POC1B: variants seen among roughly 807,000 people sequenced by gnomAD.
POC1B encodes the protein POC1 centriolar protein B, also known as POC1 centriolar protein homolog B.
A neutral mutation model predicts 60.6 loss-of-function variants in POC1B; 44 were observed. The observed-to-expected ratio is 0.73, with a 90% CI of 0.57 to 0.93. The LOEUF (loss-of-function observed/expected upper bound fraction) is 0.93, where lower values mean the gene tolerates loss of function less well. Ranked by LOEUF, POC1B falls within the 40% of genes least tolerant of loss-of-function variation. The pLI is 0.00. For synonymous variants in POC1B, 180 were observed against 198.9 expected, an observed-to-expected ratio of 0.90 and a Z score of 0.80; for missense variants, 555 against 572.3, an observed-to-expected ratio of 0.97 and a Z score of 0.31.
intron 9 of POC1B, among the ~76,000 whole-genome samples, chr12:89,462,227 G>C (rs10858868): frequency 0.52 from 79,539 of 151,924 alleles, 21,201 homozygotes; most frequent in African/African-American, 0.61. Flanking sequence ...CTGAGGGGGT[G>C]ATATGGTTAA....
intron 2 of POC1B, chr12:89,521,593 T>C (rs934484540): frequency 6.2e-6 from 1 of 161,596 alleles, no homozygotes; most frequent in African/African-American, 2.4e-5. Flanking sequence ...AAGGGATCTT[T>C]AAGATCCAAT....
chr12:89,525,370 C>G, intron 1 of POC1B, 166 bp from the exon 2 acceptor site: 2 of 1,423,528 alleles, frequency 1.4e-6, no homozygotes, highest in Non-Finnish European at 1.8e-6. Flanking sequence ...GGCGCGGCGC[C>G]CAGTCCTGCT....
At chr12:89,525,749 G>A in intron 1 of POC1B, 132 bp downstream of exon 1, 2 of 1,313,322 alleles carry the variant, frequency 1.5e-6, no homozygotes, top group East Asian at 2.9e-5. Context: ...GCCCCGGGAC[G>A]AGGGGCTCAG....
intron 4 of POC1B, among the ~76,000 whole-genome samples, chr12:89,483,328 G>C (rs1227502364): frequency 1.3e-5 from 2 of 152,062 alleles, no homozygotes; most frequent in African/African-American, 4.8e-5. Flanking sequence ...ACCACAATTT[G>C]TAAGTTTCCT....
rs144700937 is a variant in POC1B, at chr12:89,498,507, G to A, written c.101-1165C>T. 5.1e-3 allele frequency among the ~76,000 whole-genome samples: 781 copies of A among 152,278 alleles called. 10 individuals carry two copies. The highest frequency in any genetic ancestry group is 0.018 in the African/African-American group (732 of 41,544). ...GAACACAATTAGTATCACTGTTAGA[G>A]AAACATAGGGCCTGGCTATATAAAG... On this transcript the variant is annotated intron_variant, in intron 2 of 11. Transcript: ENST00000313546.
At chr12:89,402,696 G>A in the POC1B span, among the ~76,000 whole-genome samples, 4 of 152,118 alleles carry the variant, frequency 2.6e-5, no homozygotes, top group Non-Finnish European at 5.9e-5. Flanking sequence ...AGCAAAAGAC[G>A]TGATCTCATT....
chr12:89,512,061 A>G (rs573570812), intron 2 of POC1B, among the ~76,000 whole-genome samples: 3 of 152,310 alleles, frequency 2.0e-5, no homozygotes, highest in African/African-American at 4.8e-5. Context: ...CAAAACAACA[A>G]TAAACCTAGA....
At chr12:89,445,177 C>T (rs1169331282) in intron 10 of POC1B, among the ~76,000 whole-genome samples, 2 of 152,182 alleles carry the variant, frequency 1.3e-5, no homozygotes, top group African/African-American at 4.8e-5. Context: ...AATGGCCATA[C>T]TGCCCAAGGT....
At chr12:89,496,768 A>G (rs1853537294) in intron 3 of POC1B, among the ~76,000 whole-genome samples, 1 of 152,166 alleles carries the variant, frequency 6.6e-6, no homozygotes, top group Admixed American at 6.5e-5. Flanking sequence ...TCAAAGGCAC[A>G]GGGTTTTCAA....
intron 11 of POC1B, among the ~76,000 whole-genome samples, 153 bp from the exon 12 acceptor site, chr12:89,421,410 T>A (rs1880526892): frequency 6.6e-6 from 1 of 152,158 alleles, no homozygotes; most frequent in East Asian, 1.9e-4. Flanking sequence ...CTTGCTGTGC[T>A]TCTGGGCCCA....
In POC1B at chr12:89,421,114, A is replaced by G. The variant is rs1880511726; in HGVS notation, c.*39T>C. 6.9e-7 allele frequency: 1 copy of G among 1,456,910 alleles called. No homozygotes were observed. The highest frequency in any genetic ancestry group is 1.2e-5 in the South Asian group (1 of 83,694). The allele number at this position is 1,456,910 out of a possible 1,614,324, so 90.2% of individuals were successfully genotyped here. On this transcript the variant is annotated 3_prime_UTR_variant, in exon 12 of 12. Coordinates refer to ENST00000313546, the MANE Select transcript of POC1B (RefSeq NM_172240.3). ...TGAGTGTATGTACATTTGTTCATTT[A>G]TTGGGCCTCTGCCCAACAAATGAAA...
chr12:89,442,561 T>C (rs970903771), intron 10 of POC1B, among the ~76,000 whole-genome samples: 1 of 152,110 alleles, frequency 6.6e-6, no homozygotes, highest in Non-Finnish European at 1.5e-5. Context: ...TGCTGAGGGA[T>C]TTTGTCACCA....
At chr12:89,411,458 G>A in the POC1B span, among the ~76,000 whole-genome samples, 1 of 152,168 alleles carries the variant, frequency 6.6e-6, no homozygotes, top group Non-Finnish European at 1.5e-5. Context: ...GAGCTTTGAT[G>A]TGCTCTCTTG....
chr12:89,477,647 C>T (rs1883174176), intron 4 of POC1B, among the ~76,000 whole-genome samples: 1 of 152,112 alleles, frequency 6.6e-6, no homozygotes. Flanking sequence ...CATTCCAATC[C>T]ATTATTGGGT....
chr12:89,402,422 A>G, the POC1B span, among the ~76,000 whole-genome samples: 2 of 152,192 alleles, frequency 1.3e-5, no homozygotes, highest in Non-Finnish European at 2.9e-5. Context: ...TGTTTGTTAC[A>G]TAGGTAAACC....
intron 2 of POC1B, chr12:89,524,892 G>A: frequency 1.4e-6 from 1 of 703,514 alleles, no homozygotes; most frequent in Non-Finnish European, 2.3e-6. Flanking sequence ...CGTCCGCCAG[G>A]CCCAGACCGC....
chr12:89,522,489 C>T (rs187846878), intron 2 of POC1B: 7 of 345,670 alleles, frequency 2.0e-5, no homozygotes, highest in African/African-American at 1.5e-4. Flanking sequence ...TTTACTTGGA[C>T]CTTTACATTC....
intron 10 of POC1B, among the ~76,000 whole-genome samples, chr12:89,430,758 G>A (rs1179209665): frequency 6.6e-6 from 1 of 152,058 alleles, no homozygotes; most frequent in Non-Finnish European, 1.5e-5. Flanking sequence ...CCCTCATGTG[G>A]GGTCAGTAAC....
chr12:89,422,569 G>A (rs1477829427), intron 11 of POC1B, among the ~76,000 whole-genome samples: 3 of 152,190 alleles, frequency 2.0e-5, no homozygotes, highest in African/African-American at 7.2e-5. Flanking sequence ...ACTACAGGTG[G>A]TGGCCTATTC....
Sources: allele counts gnomAD v4.1 joint callset (sites outside exome capture counted in the v4.1 genomes callset), GRCh38; gene constraint gnomAD v4.1.1; transcripts MANE v1.5; gene names NCBI Gene and HGNC (gene_info 2026-07-23, HGNC 2026-07-21).